The following PLCB1 variants were observed in gnomAD, a reference collection of about 807,000 sequenced individuals.
PLCB1 encodes the protein phospholipase C beta 1.
Under a neutral mutation model 161.8 loss-of-function variants are expected in PLCB1, and 46 were observed. The ratio of observed to expected loss-of-function variants is 0.28; its 90% confidence interval spans 0.22 to 0.36. The LOEUF (loss-of-function observed/expected upper bound fraction) is 0.36. Among genes scored for constraint, PLCB1 ranks in the 10% least tolerant of loss-of-function variants. The probability of loss-of-function intolerance (pLI) is 1.00; values close to 1 mark genes in which losing one functional copy is unlikely to be tolerated. For synonymous variants in PLCB1, 517 were observed against 503.7 expected, an observed-to-expected ratio of 1.03 and a Z score of -0.35; for missense variants, 1,016 against 1,472.5, an observed-to-expected ratio of 0.69 and a Z score of 5.07.
chr20:8,663,475 A>G (rs1989737337), intron 9 of PLCB1, among the ~76,000 whole-genome samples: 1 of 152,106 alleles, frequency 6.6e-6, no homozygotes, highest in African/African-American at 2.4e-5. Context: ...TGACACATGG[A>G]AGTATGAAAT....
At chr20:8,388,795 A>G (rs939458999) in intron 3 of PLCB1, among the ~76,000 whole-genome samples, 2 of 152,294 alleles carry the variant, frequency 1.3e-5, no homozygotes, top group East Asian at 3.9e-4. Context: ...TTTGACAGCT[A>G]TTCACATTTA....
chr20:8,225,220 C>T (rs1568596697), intron 2 of PLCB1, among the ~76,000 whole-genome samples: 1 of 152,104 alleles, frequency 6.6e-6, no homozygotes, highest in East Asian at 1.9e-4. Context: ...TTTCAATATC[C>T]TATCTTGGAT....
intron 3 of PLCB1, among the ~76,000 whole-genome samples, chr20:8,618,522 A>G (rs1190146516): frequency 6.6e-6 from 1 of 152,180 alleles, no homozygotes; most frequent in Admixed American, 6.5e-5. Context: ...AAAAAAAGTT[A>G]GAATTGCACT....
chr20:8,737,962 A>G (rs971109441), intron 20 of PLCB1, among the ~76,000 whole-genome samples: 2 of 152,238 alleles, frequency 1.3e-5, no homozygotes, highest in Admixed American at 1.3e-4. Context: ...CTTAAGAAAT[A>G]TCTAGCACAA....
At chr20:8,342,318 G>C (rs1396627049) in intron 2 of PLCB1, among the ~76,000 whole-genome samples, 1 of 152,138 alleles carries the variant, frequency 6.6e-6, no homozygotes, top group East Asian at 1.9e-4. Flanking sequence ...ATATACATTA[G>C]TTTACTCATT....
rs570317231 is a variant in PLCB1 at position 8,200,069 on chromosome 20, C to T, written c.177+49698C>T. 4.6e-5 allele frequency among the ~76,000 whole-genome samples: 7 copies of T among 152,078 alleles called. No individual in the cohort carries two copies. In the South Asian group the frequency reaches 8.3e-4, roughly 18 times the overall value. ...TGGTTAAAAAAATATTTATTTATTC[C>T]GGATATTAATTCATTGTCACTCATT... On this transcript the variant is annotated intron_variant, in intron 2 of 31. Coordinates refer to ENST00000338037, the MANE Select transcript of PLCB1 (RefSeq NM_015192.4).
intron 3 of PLCB1, among the ~76,000 whole-genome samples, chr20:8,440,023 T>A (rs1437055755): frequency 1.3e-5 from 2 of 152,200 alleles, no homozygotes; most frequent in African/African-American, 4.8e-5. Flanking sequence ...AAAGATTATG[T>A]TGGCTTCAAA....
intron 14 of PLCB1, 49 bp downstream of exon 14, chr20:8,717,897 ATTG>A (rs1979415232): frequency 6.4e-7 from 1 of 1,553,604 alleles, no homozygotes; most frequent in African/African-American, 1.4e-5. Flanking sequence ...TGGTTTAAGA[ATTG>A]CTGCTCTGGG....
At chr20:8,606,085 T>C (rs1384107776) in intron 3 of PLCB1, among the ~76,000 whole-genome samples, 3 of 152,208 alleles carry the variant, frequency 2.0e-5, no homozygotes, top group Non-Finnish European at 4.4e-5. Context: ...TCCATGACTT[T>C]GCTATTGTAA....
At chr20:8,205,109 G>A (rs1342037152) in intron 2 of PLCB1, among the ~76,000 whole-genome samples, 1 of 151,898 alleles carries the variant, frequency 6.6e-6, no homozygotes, top group African/African-American at 2.4e-5. Context: ...AAGACAGAGT[G>A]AAAAAAACAT....
At chr20:8,290,930 T>A (rs1423384404) in intron 2 of PLCB1, among the ~76,000 whole-genome samples, 1 of 152,006 alleles carries the variant, frequency 6.6e-6, no homozygotes, top group African/African-American at 2.4e-5. Flanking sequence ...TTACAACTAT[T>A]GACAAGATTG....
chr20:8,568,328 T>A (rs1448245776), intron 3 of PLCB1, among the ~76,000 whole-genome samples: 1 of 152,196 alleles, frequency 6.6e-6, no homozygotes, highest in African/African-American at 2.4e-5. Flanking sequence ...CGTGGGCTTT[T>A]CTTAAGGGAT....
intron 31 of PLCB1, among the ~76,000 whole-genome samples, chr20:8,869,165 C>T (rs544655440): frequency 6.6e-6 from 1 of 151,578 alleles, no homozygotes; most frequent in South Asian, 2.1e-4. Context: ...TTCTGTTTGA[C>T]AAACGTCTTT....
At position 8,686,079 on chromosome 20, in the gene PLCB1, ATGT is replaced by A. The variant is rs201624220; in HGVS notation, c.1009+1005_1009+1007del. On this transcript the variant is annotated intron_variant, in intron 10 of 31. Coordinates refer to ENST00000338037, the MANE Select transcript of PLCB1 (RefSeq NM_015192.4). Reference sequence around the variant, plus strand: ...CACAATTTAAATAAGTATAAGTAAAATGTTGTGATAATTTGCAACAATTGGAAT... The same window carrying A: ...CACAATTTAAATAAGTATAAGTAAAATGTGATAATTTGCAACAATTGGAAT... Among the ~76,000 whole-genome samples, 849 of 152,322 alleles carry A rather than the reference ATGT, an allele frequency of 5.6e-3. 8 individuals are homozygous for A. The highest frequency in any genetic ancestry group is 0.019 in the African/African-American group (789 of 41,576).
At chr20:8,448,417 G>A (rs1458333389) in intron 3 of PLCB1, among the ~76,000 whole-genome samples, 1 of 152,108 alleles carries the variant, frequency 6.6e-6, no homozygotes, top group Non-Finnish European at 1.5e-5. Context: ...GCCTTTGTAT[G>A]GCAAAATTGC....
intron 2 of PLCB1, among the ~76,000 whole-genome samples, chr20:8,227,545 T>A (rs1326722062): frequency 6.6e-6 from 1 of 152,148 alleles, no homozygotes; most frequent in South Asian, 2.1e-4. Context: ...CCTTGCCACT[T>A]CCCCTCTCAG....
chr20:8,206,235 T>C (rs1978521270), intron 2 of PLCB1, among the ~76,000 whole-genome samples: 1 of 152,210 alleles, frequency 6.6e-6, no homozygotes, highest in Non-Finnish European at 1.5e-5. Context: ...AGGTAAACAT[T>C]CTTTCAGCAT....
chr20:8,213,327 G>A (rs1352063907), intron 2 of PLCB1, among the ~76,000 whole-genome samples: 1 of 152,162 alleles, frequency 6.6e-6, no homozygotes, highest in Admixed American at 6.6e-5. Flanking sequence ...TCTGATGGTG[G>A]CTGGCAGTGA....
intron 3 of PLCB1, among the ~76,000 whole-genome samples, chr20:8,574,311 A>G (rs1568513903): frequency 6.6e-6 from 1 of 152,162 alleles, no homozygotes; most frequent in East Asian, 1.9e-4. Flanking sequence ...TGGCAGGGGA[A>G]TTGCTTGAAG....
Sources: gnomAD v4.1 joint callset for allele counts (sites outside exome capture counted in the v4.1 genomes callset) on GRCh38, gnomAD v4.1.1 for gene constraint, MANE v1.5 for transcripts, NCBI Gene and HGNC (gene_info 2026-07-23, HGNC 2026-07-21) for gene names.